LYPD6: variants seen among roughly 807,000 people sequenced by gnomAD.
LYPD6 encodes LY6/PLAUR domain containing 6, also known as ly6/PLAUR domain-containing protein 6.
A neutral mutation model predicts 22.7 loss-of-function variants in LYPD6; 15 were observed. The observed-to-expected ratio is 0.66, with a 90% CI of 0.44 to 1.02. LYPD6 has a LOEUF of 1.02. Ranked by LOEUF, LYPD6 falls within the 50% of genes least tolerant of loss-of-function variation. The probability of loss-of-function intolerance (pLI) is 0.00; values close to 1 mark genes in which losing one functional copy is unlikely to be tolerated. For synonymous variants in LYPD6, 72 were observed against 77.5 expected (o/e 0.93, Z 0.37); for missense variants, 189 against 208.4 (o/e 0.91, Z 0.57).
chr2:149,476,658 G>A (rs1226695086), downstream of LYPD6, among the ~76,000 whole-genome samples: 2 of 152,196 alleles, frequency 1.3e-5, no homozygotes, highest in African/African-American at 2.4e-5. Flanking sequence ...CTAAAAATAA[G>A]CCATGCTCTC....
chr2:149,393,129 G>A (rs1434961775), intron 1 of LYPD6, among the ~76,000 whole-genome samples: 2 of 152,194 alleles, frequency 1.3e-5, no homozygotes, highest in African/African-American at 4.8e-5. Context: ...TCTCACACAA[G>A]TCTTCCCTTG....
At chr2:149,331,001 A>G (rs1447881472) in intron 1 of LYPD6, among the ~76,000 whole-genome samples, 1 of 152,210 alleles carries the variant, frequency 6.6e-6, no homozygotes, top group Non-Finnish European at 1.5e-5. Context: ...TGGAAAGGTC[A>G]GGAGCTGCCA....
intron 1 of LYPD6, among the ~76,000 whole-genome samples, chr2:149,356,705 A>T (rs547257047): frequency 2.3e-4 from 35 of 152,294 alleles, no homozygotes; most frequent in Admixed American, 9.8e-4. Flanking sequence ...AGGCAGATGG[A>T]AAGGTTAAAT....
rs563869891 is a variant in LYPD6, at chr2:149,473,974, C to T, written c.*3124C>T. 3 of 152,092 alleles carry T rather than the reference C, an allele frequency of 2.0e-5. No individual in the cohort carries two copies. Among genetic ancestry groups the T allele is most frequent in the East Asian group, 1.9e-4 (1 of 5,168 alleles). 9.4% of individuals were successfully genotyped at this position (152,092 alleles called of 1,614,324 possible). A position where few individuals can be genotyped will look rare whatever the true frequency, so the allele number is the denominator to read the frequency against. On this transcript the variant is annotated 3_prime_UTR_variant, in exon 5 of 5. Transcript: ENST00000334166. ...ACCACCCTATTAACTATTTTAAAAT[C>T]GTATTCTATTTTGGGGGTTGTGTTA...
chr2:149,406,304 C>T (rs1357658031), intron 1 of LYPD6, among the ~76,000 whole-genome samples: 13 of 151,180 alleles, frequency 8.6e-5, no homozygotes, highest in African/African-American at 2.4e-4. Flanking sequence ...CTTTCTGTCT[C>T]GTTGATCTGT....
chr2:149,367,228 A>C (rs1187791554), intron 1 of LYPD6, among the ~76,000 whole-genome samples: 1 of 152,058 alleles, frequency 6.6e-6, no homozygotes, highest in African/African-American at 2.4e-5. Flanking sequence ...CAGGACAGGG[A>C]TCTCATCTGA....
chr2:149,356,083 C>T (rs62190580), intron 1 of LYPD6, among the ~76,000 whole-genome samples: 2 of 150,756 alleles, frequency 1.3e-5, no homozygotes, highest in Non-Finnish European at 2.9e-5. Context: ...ACTCTTTTCC[C>T]ACTTTTTTTT....
chr2:149,394,468 A>G (rs1348203917), intron 1 of LYPD6, among the ~76,000 whole-genome samples: 1 of 152,206 alleles, frequency 6.6e-6, no homozygotes, highest in African/African-American at 2.4e-5. Context: ...TCCATTTTGG[A>G]TATATTTTAA....
At chr2:149,431,666 A>T (rs1260756630) in intron 1 of LYPD6, among the ~76,000 whole-genome samples, 1 of 152,222 alleles carries the variant, frequency 6.6e-6, no homozygotes, top group Admixed American at 6.5e-5. Flanking sequence ...ACTATAAAGT[A>T]GACAAGTTAT....
Position 149,402,233 on chromosome 2 carries a change from C to CGTGTGTGTGTGT in LYPD6, c.-71-35390_-71-35379dup, listed in dbSNP as rs146124855. Among the ~76,000 whole-genome samples, 1,270 of 145,630 alleles carry CGTGTGTGTGTGT rather than the reference C, an allele frequency of 8.7e-3. 13 individuals carry two copies. Among genetic ancestry groups the CGTGTGTGTGTGT allele is most frequent in the African/African-American group, 0.031 (1,222 of 40,030 alleles). ...AATAGTATTCCATGGTGTGTGTTTG[C>CGTGTGTGTGTGT]GTGTGTGTGTGTGTGTGTGTGTGTG... is the stretch of plus-strand genomic sequence containing the variant. On this transcript the variant is annotated intron_variant, in intron 1 of 4. Transcript: ENST00000334166.
chr2:149,426,522 A>C (rs1199096699), intron 1 of LYPD6, among the ~76,000 whole-genome samples: 2 of 152,150 alleles, frequency 1.3e-5, no homozygotes, highest in Non-Finnish European at 2.9e-5. Flanking sequence ...AAGGAGGAGA[A>C]TTTGTGTAGA....
intron 1 of LYPD6, among the ~76,000 whole-genome samples, chr2:149,354,438 C>T (rs952918687): frequency 2.0e-5 from 3 of 152,092 alleles, no homozygotes; most frequent in Non-Finnish European, 4.4e-5. Context: ...AAACTCCTGA[C>T]CTCGTGATCT....
intron 1 of LYPD6, among the ~76,000 whole-genome samples, chr2:149,387,206 CA>C (rs1209634665): frequency 6.6e-6 from 1 of 152,142 alleles, no homozygotes; most frequent in Non-Finnish European, 1.5e-5. Flanking sequence ...AACATCTGAA[CA>C]AAAAGTTTTT....
chr2:149,466,632 A>T (rs1163419552), intron 3 of LYPD6, among the ~76,000 whole-genome samples: 1 of 152,216 alleles, frequency 6.6e-6, no homozygotes, highest in Non-Finnish European at 1.5e-5. Context: ...TTTGTTAAAG[A>T]TAGAAAAGTA....
Position 149,468,659 on chromosome 2 carries a change from T to C in LYPD6, c.232T>C (p.Tyr78His). 6.2e-7 allele frequency: 1 copy of C among 1,613,506 alleles called. No homozygotes were observed. The highest frequency in any genetic ancestry group is 8.5e-7 in the Non-Finnish European group (1 of 1,179,674). The change falls in exon 4 of 5, where the codon TAC becomes CAC. Residue 78 changes from tyrosine to histidine, a missense_variant. Transcript: ENST00000334166. ...TCTGTTGACAGAGACCAGATACTGC[T>C]ACACTCAGCACACAATGGAAGTCAC... ...IYCPRETRYCYTQHTMEVTGN... is the reference protein window; with the variant it reads ...IYCPRETRYCHTQHTMEVTGN...
intron 1 of LYPD6, among the ~76,000 whole-genome samples, chr2:149,388,268 C>G (rs1480582895): frequency 2.0e-5 from 3 of 149,896 alleles, no homozygotes; most frequent in African/African-American, 7.4e-5. Context: ...TACTTTGATA[C>G]TGTTGGTGTG....
intron 1 of LYPD6, among the ~76,000 whole-genome samples, chr2:149,348,437 A>AT (rs1681300001): frequency 6.6e-6 from 1 of 152,182 alleles, no homozygotes; most frequent in South Asian, 2.1e-4. Context: ...GTTGTCATGG[A>AT]TGACTCCACT....
intron 1 of LYPD6, among the ~76,000 whole-genome samples, chr2:149,396,398 T>C (rs1051021838): frequency 6.6e-6 from 1 of 152,140 alleles, no homozygotes; most frequent in African/African-American, 2.4e-5. Flanking sequence ...GCCCTGCTTC[T>C]TCCTAATGCC....
At chr2:149,478,019 A>G (rs974433954), downstream of LYPD6, among the ~76,000 whole-genome samples, 1 of 152,096 alleles carries the variant, frequency 6.6e-6, no homozygotes, top group Non-Finnish European at 1.5e-5. Flanking sequence ...TGCTTCTGTG[A>G]TTATTATTGT....
Sources: allele counts gnomAD v4.1 joint callset (sites outside exome capture counted in the v4.1 genomes callset), GRCh38; gene constraint gnomAD v4.1.1; transcripts MANE v1.5; gene names NCBI Gene and HGNC (gene_info 2026-07-23, HGNC 2026-07-21).